NMNAT2: variants seen among roughly 807,000 people sequenced by gnomAD.
The protein encoded by NMNAT2 is nicotinamide nucleotide adenylyltransferase 2, also known as nicotinamide/nicotinic acid mononucleotide adenylyltransferase 2.
NMNAT2 carries 11 observed loss-of-function variants against 41.6 expected under a neutral mutation model. The observed-to-expected ratio is 0.26, with a 90% CI of 0.17 to 0.44. The LOEUF (loss-of-function observed/expected upper bound fraction) is 0.44. Among genes scored for constraint, NMNAT2 ranks in the 20% least tolerant of loss-of-function variants. The pLI is 1.00. For synonymous variants in NMNAT2, 148 were observed against 151.2 expected, an observed-to-expected ratio of 0.98 and a Z score of 0.16; for missense variants, 288 against 407.7, an observed-to-expected ratio of 0.71 and a Z score of 2.53.
At chr1:183,382,815 G>T (rs1192776223) in intron 1 of NMNAT2, among the ~76,000 whole-genome samples, 1 of 152,160 alleles carries the variant, frequency 6.6e-6, no homozygotes, top group African/African-American at 2.4e-5. Context: ...GCTCTGCAGG[G>T]TACAGCCTCC....
intron 1 of NMNAT2, among the ~76,000 whole-genome samples, chr1:183,403,107 T>C (rs12117618): frequency 1.9e-3 from 294 of 152,206 alleles, no homozygotes; most frequent in Admixed American, 3.2e-3. Context: ...CTAATTTTTG[T>C]ATTTTTAGTA....
At chr1:183,325,344 C>A (rs1662439871) in intron 1 of NMNAT2, among the ~76,000 whole-genome samples, 1 of 152,210 alleles carries the variant, frequency 6.6e-6, no homozygotes, top group African/African-American at 2.4e-5. Context: ...ATTCCCTCTC[C>A]TTTAATTGAA....
intron 10 of NMNAT2, among the ~76,000 whole-genome samples, chr1:183,257,398 G>T (rs928870975): frequency 6.6e-6 from 1 of 152,094 alleles, no homozygotes; most frequent in Non-Finnish European, 1.5e-5. Context: ...CCAAGATCAC[G>T]CTATTGCACT....
intron 1 of NMNAT2, among the ~76,000 whole-genome samples, chr1:183,346,295 A>C (rs1286944639): frequency 2.6e-5 from 4 of 151,918 alleles, no homozygotes; most frequent in Admixed American, 1.3e-4. Context: ...ATTTACCTTT[A>C]CTTGCCTTTC....
chr1:183,389,816 GAAAGAAAGAAAGAAAGAAAGAAAGAA>G lies in NMNAT2; in HGVS notation c.85+28341_85+28366del, dbSNP rs1557897710. On this transcript the variant is annotated intron_variant, in intron 1 of 10. Coordinates refer to ENST00000287713, the MANE Select transcript of NMNAT2 (RefSeq NM_015039.4). The stretch of plus-strand genomic sequence containing the variant: ...AGAAAGAAAGAAAGAAAGAAAGAAA[GAAAGAAAGAAAGAAAGAAAGAAAGAA>G]AGGAAAAAAGAGAAAGAAAGAAAGA... Among the ~76,000 whole-genome samples, 20 of 57,612 alleles carry G rather than the reference GAAAGAAAGAAAGAAAGAAAGAAAGAA, an allele frequency of 3.5e-4. 2 individuals are homozygous for G. Among genetic ancestry groups the G allele is most frequent in the East Asian group, 8.8e-4 (1 of 1,142 alleles). The allele number at this position is 57,612 out of a possible 152,430, so 37.8% of individuals were successfully genotyped here.
Position 183,389,853 on chromosome 1 carries a change from A to G in NMNAT2, c.85+28330T>C, listed in dbSNP as rs78740504. ...GAAAGAAAGAAAGAAAGGAAAAAAG[A>G]GAAAGAAAGAAAGAAAGAAGGGAGG... On this transcript the variant is annotated intron_variant, in intron 1 of 10. Transcript: ENST00000287713. Among the ~76,000 whole-genome samples the G allele has an allele frequency of 2.3e-4, 14 of 61,532 alleles. 2 individuals carry two copies. In the East Asian group the frequency reaches 0.011, roughly 48 times the overall value. The allele number at this position is 61,532 out of a possible 152,430, so 40.4% of individuals were successfully genotyped here. A position where few individuals can be genotyped will look rare whatever the true frequency, so the allele number is the denominator to read the frequency against.
chr1:183,252,413 CATT>C lies in NMNAT2; in HGVS notation c.*225_*227del. 2.1e-6 allele frequency: 1 copy of C among 473,906 alleles called. No individual in the cohort carries two copies. The highest frequency in any genetic ancestry group is 3.9e-6 in the Non-Finnish European group (1 of 256,178). The allele number at this position is 473,906 out of a possible 1,614,324, so 29.4% of individuals were successfully genotyped here. A position where few individuals can be genotyped will look rare whatever the true frequency, so the allele number is the denominator to read the frequency against. On this transcript the variant is annotated 3_prime_UTR_variant, in exon 11 of 11. Transcript: ENST00000287713. Reference sequence around the variant, plus strand: ...ACTGCACTTCCCCCGACTCCCACCCCATTCCCTCACCCACCCCCAACCCGGAGA... The same window carrying C: ...ACTGCACTTCCCCCGACTCCCACCCCCCCTCACCCACCCCCAACCCGGAGA...
intron 9 of NMNAT2, 40 bp downstream of exon 9, chr1:183,261,162 G>A: frequency 6.2e-7 from 1 of 1,605,522 alleles, no homozygotes; most frequent in South Asian, 1.1e-5. Context: ...TCTCAGAGAA[G>A]GGCCATAACA....
intron 1 of NMNAT2, among the ~76,000 whole-genome samples, chr1:183,417,343 C>A (rs1197211946): frequency 6.6e-6 from 1 of 152,172 alleles, no homozygotes; most frequent in Non-Finnish European, 1.5e-5. Flanking sequence ...CCCCCCAACA[C>A]GCACACGCAT....
intron 4 of NMNAT2, among the ~76,000 whole-genome samples, chr1:183,288,130 G>A (rs1003670159): frequency 6.6e-6 from 1 of 152,208 alleles, no homozygotes; most frequent in Non-Finnish European, 1.5e-5. Context: ...GATTGGCCTG[G>A]TAGCTGAGGA....
intron 8 of NMNAT2, among the ~76,000 whole-genome samples, chr1:183,277,111 A>G (rs958359186): frequency 2.9e-4 from 44 of 152,170 alleles, no homozygotes; most frequent in Admixed American, 1.3e-4. Context: ...AAACAATACC[A>G]TTTAAGCCTT....
intron 1 of NMNAT2, among the ~76,000 whole-genome samples, chr1:183,298,522 A>G (rs1336307410): frequency 6.6e-6 from 1 of 152,242 alleles, no homozygotes; most frequent in Non-Finnish European, 1.5e-5. Context: ...GATGCTGATG[A>G]AAGAAATCAA....
chr1:183,370,039 GA>G (rs1053044258), intron 1 of NMNAT2, among the ~76,000 whole-genome samples: 19 of 152,048 alleles, frequency 1.2e-4, no homozygotes, highest in African/African-American at 4.1e-4. Context: ...CCAAGGAGAG[GA>G]AAAAGGGCCT....
intron 8 of NMNAT2, among the ~76,000 whole-genome samples, chr1:183,269,485 T>C (rs1293070639): frequency 1.3e-5 from 2 of 152,244 alleles, no homozygotes; most frequent in African/African-American, 4.8e-5. Context: ...TTCTGAAGCC[T>C]GAGTTTCCCT....
intron 1 of NMNAT2, among the ~76,000 whole-genome samples, chr1:183,323,207 C>T (rs1662388988): frequency 6.6e-6 from 1 of 152,222 alleles, no homozygotes. Context: ...GCTGGGATTA[C>T]AGGCGTGAGC....
intron 1 of NMNAT2, among the ~76,000 whole-genome samples, chr1:183,343,159 T>A (rs560312216): frequency 1.3e-5 from 2 of 152,334 alleles, no homozygotes; most frequent in Admixed American, 1.3e-4. Context: ...CATCTTGGAC[T>A]CTTCCTCTCT....
intron 8 of NMNAT2, among the ~76,000 whole-genome samples, chr1:183,272,178 T>G (rs1366172423): frequency 6.6e-6 from 1 of 152,228 alleles, no homozygotes; most frequent in African/African-American, 2.4e-5. Context: ...GCTTCACAAA[T>G]CTGCCCATGG....
At chr1:183,383,746 A>G (rs1470138312) in intron 1 of NMNAT2, among the ~76,000 whole-genome samples, 1 of 152,160 alleles carries the variant, frequency 6.6e-6, no homozygotes, top group Non-Finnish European at 1.5e-5. Context: ...CCAGTTCCCA[A>G]TAAGTTCCTC....
intron 1 of NMNAT2, among the ~76,000 whole-genome samples, chr1:183,305,875 C>T (rs910511590): frequency 1.4e-4 from 22 of 152,246 alleles, no homozygotes; most frequent in Non-Finnish European, 3.1e-4. Flanking sequence ...CTTGCGCCAC[C>T]ATACCCGGCC....
Sources: allele counts gnomAD v4.1 joint callset (sites outside exome capture counted in the v4.1 genomes callset), GRCh38; gene constraint gnomAD v4.1.1; transcripts MANE v1.5; gene names NCBI Gene and HGNC (gene_info 2026-07-23, HGNC 2026-07-21).